HCFC2: variants seen among roughly 807,000 people sequenced by gnomAD.
HCFC2 encodes host cell factor C2.
A neutral mutation model predicts 89.2 loss-of-function variants in HCFC2; 18 were observed. The ratio of observed to expected loss-of-function variants is 0.20; its 90% confidence interval spans 0.14 to 0.30. The LOEUF (loss-of-function observed/expected upper bound fraction) is 0.30. HCFC2 is among the 10% of genes least tolerant of loss of function. The pLI, the probability that HCFC2 is intolerant of heterozygous loss-of-function variation, is 1.00. For missense variants in HCFC2, 578 were observed against 956.1 expected, an observed-to-expected ratio of 0.60 and a Z score of 5.21; for synonymous variants, 308 against 335.7, an observed-to-expected ratio of 0.92 and a Z score of 0.90.
intron 8 of HCFC2, 42 bp from the exon 9 acceptor site, chr12:104,087,944 T>C (rs1179450772): frequency 8.8e-7 from 1 of 1,132,658 alleles, no homozygotes. Flanking sequence ...TTATTGAAGC[T>C]AGTTAAGAGC....
intron 5 of HCFC2, among the ~76,000 whole-genome samples, chr12:104,082,124 C>T (rs1305098464): frequency 1.3e-5 from 2 of 152,098 alleles, no homozygotes; most frequent in African/African-American, 4.8e-5. Context: ...TAATCCTCTT[C>T]GGTTACTATA....
At chr12:104,079,786 GTGT>G in intron 4 of HCFC2, 133 bp downstream of exon 4, 1 of 670,620 alleles carries the variant, frequency 1.5e-6, no homozygotes, top group East Asian at 2.6e-5. Flanking sequence ...GACAGTGTAT[GTGT>G]GATATGAATG....
intron 3 of HCFC2, among the ~76,000 whole-genome samples, chr12:104,069,610 C>T (rs551548104): frequency 6.7e-5 from 10 of 150,306 alleles, no homozygotes; most frequent in South Asian, 2.1e-4. Context: ...TAATGTCCTG[C>T]TGCTCCATCC....
intron 4 of HCFC2, 185 bp from the exon 5 acceptor site, chr12:104,080,561 G>A (rs1368724579): frequency 4.7e-6 from 2 of 427,024 alleles, no homozygotes; most frequent in African/African-American, 2.1e-5. Context: ...CTAACATTAA[G>A]TGTAAATAAA....
chr12:104,096,810 G>A (rs573928572), intron 12 of HCFC2, among the ~76,000 whole-genome samples: 39 of 152,132 alleles, frequency 2.6e-4, no homozygotes, highest in Non-Finnish European at 5.0e-4. Flanking sequence ...AGAAATGTGT[G>A]TATGTATATA....
Position 104,093,396 on chromosome 12 carries a change from C to G in HCFC2, c.1295C>G (p.Thr432Arg). 6.2e-7 allele frequency: 1 copy of G among 1,610,718 alleles called. No homozygotes were observed. The highest frequency in any genetic ancestry group is 8.5e-7 in the Non-Finnish European group (1 of 1,178,220). Residue 432 changes from threonine (T) to arginine (R), a missense_variant, in exon 10 of 15, where the codon ACA (threonine) becomes AGA (arginine). Transcript: ENST00000229330. ...NNIVPNSIND[T>R]INSTKTEQPA... ...TTATATTTCTTGTAGATCAATGATA[C>G]AATAAACAGCACAAAAACTGAACAG...
At chr12:104,088,406 CACAA>C (rs919317532) in intron 9 of HCFC2, among the ~76,000 whole-genome samples, 66 of 152,328 alleles carry the variant, frequency 4.3e-4, no homozygotes, top group African/African-American at 1.3e-3. Context: ...CTAAATGTCA[CACAA>C]ACAAACATCT....
intron 6 of HCFC2, 47 bp downstream of exon 6, chr12:104,082,653 A>T (rs1593600059): frequency 6.4e-7 from 1 of 1,572,858 alleles, no homozygotes; most frequent in Middle Eastern, 1.7e-4. Flanking sequence ...TATTAATAAG[A>T]TAATTTTTGT....
chr12:104,092,413 T>C (rs1245563067), intron 9 of HCFC2, among the ~76,000 whole-genome samples: 1 of 152,036 alleles, frequency 6.6e-6, no homozygotes, highest in East Asian at 1.9e-4. Flanking sequence ...TGAACTGTGA[T>C]TGTGCCACTG....
At chr12:104,086,722 C>T in intron 7 of HCFC2, 125 bp from the exon 8 acceptor site, 2 of 670,916 alleles carry the variant, frequency 3.0e-6, no homozygotes, top group Non-Finnish European at 4.7e-6. Context: ...TAAACTTTCC[C>T]TGTCTTGGTA....
chr12:104,084,172 G>A (rs948726846), intron 7 of HCFC2, among the ~76,000 whole-genome samples: 3 of 152,214 alleles, frequency 2.0e-5, no homozygotes, highest in South Asian at 2.1e-4. Context: ...CTGATAGTGC[G>A]CCTGCTCTCA....
intron 13 of HCFC2, among the ~76,000 whole-genome samples, chr12:104,100,978 A>G (rs955872655): frequency 2.6e-5 from 4 of 152,198 alleles, no homozygotes; most frequent in Admixed American, 1.3e-4. Flanking sequence ...CAACTTGTTT[A>G]ATCTCTCTTA....
chr12:104,099,194 C>T (rs142087670), intron 13 of HCFC2, among the ~76,000 whole-genome samples: 8 of 152,058 alleles, frequency 5.3e-5, no homozygotes, highest in African/African-American at 1.9e-4. Context: ...GGGGAGGTGC[C>T]ACACACTTTT....
chr12:104,071,477 T>C (rs1211071323), intron 3 of HCFC2, among the ~76,000 whole-genome samples: 1 of 152,260 alleles, frequency 6.6e-6, no homozygotes, highest in Non-Finnish European at 1.5e-5. Context: ...AAACCAGCCA[T>C]ATGGCCAAGG....
intron 3 of HCFC2, among the ~76,000 whole-genome samples, chr12:104,070,760 G>GA (rs905656435): frequency 1.4e-5 from 2 of 146,978 alleles, no homozygotes; most frequent in African/African-American, 5.0e-5. Flanking sequence ...TACAGAAAAG[G>GA]AAAAAAAATT....
At position 104,099,177 on chromosome 12, in the gene HCFC2, G is replaced by A. The variant is rs1050142477; in HGVS notation, c.1878+697G>A. ...TACATGGCATGAACAGGAGCAATGC[G>A]TGGAGTGGGGAGGTGCCACACACTT... On this transcript the variant is annotated intron_variant, in intron 13 of 14. Transcript: ENST00000229330. Among the ~76,000 whole-genome samples the A allele has an allele frequency of 3.9e-5, 6 of 152,060 alleles. No individual in the cohort carries two copies. In the East Asian group the frequency reaches 5.8e-4, roughly 15 times the overall value.
At chr12:104,069,935 T>C (rs996478763) in intron 3 of HCFC2, among the ~76,000 whole-genome samples, 5 of 152,112 alleles carry the variant, frequency 3.3e-5, no homozygotes, top group Non-Finnish European at 5.9e-5. Flanking sequence ...CTCTTATGAG[T>C]GAGAACATGC....
At chr12:104,077,072 A>T (rs1190146472) in intron 3 of HCFC2, among the ~76,000 whole-genome samples, 6 of 151,932 alleles carry the variant, frequency 3.9e-5, no homozygotes, top group Non-Finnish European at 1.5e-5. Flanking sequence ...CTGTCAGTTT[A>T]TATCTTTTTA....
At chr12:104,071,578 A>G (rs1883328564) in intron 3 of HCFC2, among the ~76,000 whole-genome samples, 1 of 152,016 alleles carries the variant, frequency 6.6e-6, no homozygotes, top group South Asian at 2.1e-4. Flanking sequence ...AGACCTAACT[A>G]TTTTATTTTA....
Sources: gnomAD v4.1 joint callset for allele counts (sites outside exome capture counted in the v4.1 genomes callset) on GRCh38, gnomAD v4.1.1 for gene constraint, MANE v1.5 for transcripts, NCBI Gene and HGNC (gene_info 2026-07-23, HGNC 2026-07-21) for gene names.